The following SOX5 variants were observed in gnomAD, a reference collection of about 807,000 sequenced individuals.
The protein encoded by SOX5 is transcription factor SOX-5.
In SOX5, 9 loss-of-function variants were observed where a neutral mutation model predicts 92.0. The observed-to-expected ratio is 0.10, with a 90% CI of 0.06 to 0.17. The LOEUF is 0.17. SOX5 is among the 10% of genes least tolerant of loss of function. The pLI is 1.00. For synonymous variants in SOX5, 344 were observed against 336.3 expected (o/e 1.02, Z -0.25); for missense variants, 642 against 944.5 (o/e 0.68, Z 4.20).
intron 1 of SOX5, among the ~76,000 whole-genome samples, chr12:23,903,355 C>A (rs146280922): frequency 2.0e-5 from 3 of 152,240 alleles, no homozygotes; most frequent in African/African-American, 7.2e-5. Context: ...GAGACCAAGG[C>A]AGGAAGATTC....
intron 2 of SOX5, among the ~76,000 whole-genome samples, chr12:24,314,896 C>T (rs1401818412): frequency 6.6e-6 from 1 of 152,202 alleles, no homozygotes; most frequent in Non-Finnish European, 1.5e-5. Flanking sequence ...TGGCAGAGAG[C>T]ACATATTTGT....
At chr12:23,781,686 C>G (rs549469884) in intron 3 of SOX5, among the ~76,000 whole-genome samples, 1 of 152,020 alleles carries the variant, frequency 6.6e-6, no homozygotes, top group Non-Finnish European at 1.5e-5. Context: ...CTCTCTCCCC[C>G]GCTTTTACCC....
Position 24,358,611 on chromosome 12 carries a change from C to CAA in SOX5, c.-174+9950_-174+9951dup, listed in dbSNP as rs11410265. Among the ~76,000 whole-genome samples the CAA allele has an allele frequency of 8.6e-3, 1,208 of 140,408 alleles. 12 individuals are homozygous for CAA. Among genetic ancestry groups the CAA allele is most frequent in the African/African-American group, 0.023 (871 of 37,872 alleles). 92.1% of individuals were successfully genotyped at this position (140,408 alleles called of 152,430 possible). On this transcript the variant is annotated intron_variant, in intron 2 of 4. Transcript: ENST00000446891. ...TGGGCAACAGAGCGAGACTCCATCT[C>CAA]AAAAAAAAAAAAAATTGTCCTTTCA...
chr12:23,993,907 G>GTATC (rs1950797521), intron 4 of SOX5, among the ~76,000 whole-genome samples: 1 of 151,660 alleles, frequency 6.6e-6, no homozygotes, highest in African/African-American at 2.4e-5. Flanking sequence ...ATGTATGTAT[G>GTATC]TATGTATGCA....
At chr12:24,328,819 C>T (rs555803) in intron 2 of SOX5, among the ~76,000 whole-genome samples, 111,712 of 152,174 alleles carry the variant, frequency 0.73, 43,095 homozygotes, top group East Asian at 0.93. Context: ...AATACAACTG[C>T]TTGTCTTTAA....
intron 1 of SOX5, among the ~76,000 whole-genome samples, chr12:23,922,726 C>T (rs531448264): frequency 3.2e-4 from 49 of 152,140 alleles, no homozygotes; most frequent in Non-Finnish European, 6.5e-4. Flanking sequence ...AGTTTGAAAA[C>T]TCAATCCAAT....
chr12:23,864,444 G>C (rs892960832), intron 2 of SOX5, among the ~76,000 whole-genome samples: 1 of 152,064 alleles, frequency 6.6e-6, no homozygotes, highest in African/African-American at 2.4e-5. Flanking sequence ...AGCAGAGATA[G>C]GCCAAAAGCT....
chr12:23,605,901 A>G (rs1464034921), intron 8 of SOX5, among the ~76,000 whole-genome samples: 1 of 152,062 alleles, frequency 6.6e-6, no homozygotes, highest in Admixed American at 6.5e-5. Flanking sequence ...GACCAGAAAA[A>G]TATTTTTATA....
intron 6 of SOX5, among the ~76,000 whole-genome samples, chr12:23,666,114 CT>C (rs1249546585): frequency 0.069 from 9,937 of 143,516 alleles, 442 homozygotes; most frequent in African/African-American, 0.14. Context: ...AAACTTTACT[CT>C]TTTTTTTTTT....
Position 24,355,282 on chromosome 12 carries a change from C to CAAT in SOX5, c.-174+13280_-174+13281insATT, listed in dbSNP as rs1221012836. Among the ~76,000 whole-genome samples, 146 of 71,930 alleles carry CAAT rather than the reference C, an allele frequency of 2.0e-3. 5 individuals carry two copies. The highest frequency in any genetic ancestry group is 3.1e-3 in the African/African-American group (42 of 13,614). 47.2% of individuals were successfully genotyped at this position (71,930 alleles called of 152,430 possible). On this transcript the variant is annotated intron_variant, in intron 2 of 4. Transcript: ENST00000446891. ...TTAGCAGGTGTGGTGAGGGGTGCAT[C>CAAT]TTTTTTTTTTTTTTTTTTTTTTTTT...
chr12:23,643,086 C>CAAAAAA (rs71444197), intron 7 of SOX5, among the ~76,000 whole-genome samples: 5 of 62,586 alleles, frequency 8.0e-5, no homozygotes, highest in African/African-American at 2.3e-4. Context: ...GACTCCGTCT[C>CAAAAAA]AAAAAAAAAA....
intron 2 of SOX5, among the ~76,000 whole-genome samples, chr12:24,307,973 C>T (rs1294525055): frequency 6.6e-6 from 1 of 151,726 alleles, no homozygotes; most frequent in Non-Finnish European, 1.5e-5. Flanking sequence ...CACTGTCTGT[C>T]TAAAATAATA....
chr12:23,862,911 C>T (rs1307647443), intron 2 of SOX5, among the ~76,000 whole-genome samples: 1 of 152,090 alleles, frequency 6.6e-6, no homozygotes, highest in Non-Finnish European at 1.5e-5. Flanking sequence ...ACAGAGCCAC[C>T]GATTTTCCTA....
intron 2 of SOX5, among the ~76,000 whole-genome samples, chr12:24,308,293 G>T (rs1030248836): frequency 6.6e-6 from 1 of 152,166 alleles, no homozygotes; most frequent in African/African-American, 2.4e-5. Context: ...AAAAAGTAAC[G>T]CAAGACCCGG....
At chr12:24,171,623 G>A (rs1954181753) in intron 4 of SOX5, among the ~76,000 whole-genome samples, 1 of 152,086 alleles carries the variant, frequency 6.6e-6, no homozygotes, top group Non-Finnish European at 1.5e-5. Context: ...TGCGCTTTCT[G>A]AAGGAAGCAA....
chr12:24,121,667 T>C (rs1472802582), intron 4 of SOX5, among the ~76,000 whole-genome samples: 1 of 146,484 alleles, frequency 6.8e-6, no homozygotes, highest in East Asian at 2.0e-4. Flanking sequence ...GGTAGGTGGA[T>C]CACAAGGTCA....
At chr12:24,357,875 C>G (rs974802713) in intron 2 of SOX5, among the ~76,000 whole-genome samples, 1 of 151,576 alleles carries the variant, frequency 6.6e-6, no homozygotes, top group Non-Finnish European at 1.5e-5. Flanking sequence ...AAAAGAAAGC[C>G]TATTGAAATT....
chr12:23,983,245 G>A (rs1010651165), intron 4 of SOX5, among the ~76,000 whole-genome samples: 3 of 152,028 alleles, frequency 2.0e-5, no homozygotes, highest in African/African-American at 7.2e-5. Context: ...ACTATGTGGT[G>A]CTTCAGAGTT....
rs571907288 is a variant in SOX5 at position 23,803,772 on chromosome 12, C to A, written c.481+42211G>T. ...ATGAGCACAGACATATCATTTCTAA[C>A]CAGGCTGACAACCATAAGAAAGTCC... On this transcript the variant is annotated intron_variant, in intron 3 of 14. Coordinates refer to ENST00000451604, the MANE Select transcript of SOX5 (RefSeq NM_006940.6). 3.3e-5 allele frequency among the ~76,000 whole-genome samples: 5 copies of A among 152,276 alleles called. No homozygotes were observed. In the South Asian group the frequency reaches 1.0e-3, roughly 32 times the overall value.
Sources: allele counts gnomAD v4.1 joint callset (sites outside exome capture counted in the v4.1 genomes callset), GRCh38; gene constraint gnomAD v4.1.1; transcripts MANE v1.5; gene names NCBI Gene and HGNC (gene_info 2026-07-23, HGNC 2026-07-21).